BAZ1A: variants seen among roughly 807,000 people sequenced by gnomAD.
BAZ1A encodes the protein bromodomain adjacent to zinc finger domain protein 1A.
BAZ1A carries 50 observed loss-of-function variants against 185.2 expected under a neutral mutation model. That is an observed-to-expected ratio of 0.27 (90% CI 0.22 to 0.34). The LOEUF (loss-of-function observed/expected upper bound fraction) is 0.34, where lower values mean the gene tolerates loss of function less well. Ranked by LOEUF, BAZ1A falls within the 10% of genes least tolerant of loss-of-function variation. The probability of loss-of-function intolerance (pLI) is 1.00; values close to 1 mark genes in which losing one functional copy is unlikely to be tolerated. For missense variants in BAZ1A, 1,356 were observed against 1,839.9 expected (o/e 0.74, Z 4.81); for synonymous variants, 571 against 615.6 (o/e 0.93, Z 1.07).
At chr14:34,809,161 C>A (rs1329984652) in intron 5 of BAZ1A, among the ~76,000 whole-genome samples, 1 of 152,078 alleles carries the variant, frequency 6.6e-6, no homozygotes, top group Non-Finnish European at 1.5e-5. Context: ...AATACTACAC[C>A]ATTTTATGAA....
intron 3 of BAZ1A, among the ~76,000 whole-genome samples, chr14:34,832,134 C>G (rs1389247842): frequency 6.7e-6 from 1 of 149,976 alleles, no homozygotes; most frequent in Non-Finnish European, 1.5e-5. Context: ...CAGAGGCTGT[C>G]TCAGAAAATG....
intron 8 of BAZ1A, among the ~76,000 whole-genome samples, chr14:34,800,761 C>A (rs1260296951): frequency 6.6e-6 from 1 of 152,174 alleles, no homozygotes; most frequent in African/African-American, 2.4e-5. Flanking sequence ...TTCATATGTA[C>A]ATTCAAGTTT....
chr14:34,856,752 G>A (rs2042685446), intron 3 of BAZ1A, among the ~76,000 whole-genome samples: 1 of 151,346 alleles, frequency 6.6e-6, no homozygotes. Flanking sequence ...CAGCTACTCG[G>A]GAGGGTGAGG....
Position 34,844,128 on chromosome 14 carries a change from T to C in BAZ1A, c.392+17916A>G, listed in dbSNP as rs1008921924. Among the ~76,000 whole-genome samples the C allele has an allele frequency of 5.4e-4, 78 of 143,920 alleles. 1 individual carries two copies. Among genetic ancestry groups the C allele is most frequent in the Non-Finnish European group, 7.8e-4 (52 of 66,856 alleles). The allele number at this position is 143,920 out of a possible 152,430, so 94.4% of individuals were successfully genotyped here. On this transcript the variant is annotated intron_variant, in intron 3 of 26. Coordinates refer to ENST00000360310, the MANE Select transcript of BAZ1A (RefSeq NM_013448.3). The stretch of plus-strand genomic sequence containing the variant: ...GGCTGAGGCAGGAGAATGGCGTGAA[T>C]CCGGGAGGCGGAGCTTGCAGTGAGC...
At chr14:34,815,326 T>C (rs989703129) in intron 4 of BAZ1A, among the ~76,000 whole-genome samples, 4 of 152,194 alleles carry the variant, frequency 2.6e-5, no homozygotes, top group Non-Finnish European at 5.9e-5. Flanking sequence ...GAAAAACTGC[T>C]TCTTATAATA....
intron 4 of BAZ1A, among the ~76,000 whole-genome samples, chr14:34,819,641 GT>G (rs2042057743): frequency 6.6e-6 from 1 of 152,044 alleles, no homozygotes; most frequent in Non-Finnish European, 1.5e-5. Flanking sequence ...ATAGTCCATT[GT>G]CTTTATGTAC....
rs17592803 is a variant in BAZ1A at position 34,862,082 on chromosome 14, G to A, written c.354C>T (p.Val118=). Residue 118 remains valine, a synonymous_variant, in exon 3 of 27, where the codon GTC becomes GTT. Transcript: ENST00000360310. Reference sequence around the variant, plus strand: ...TCCTAATGACTTCCACAGTTTCTTCGACAAAATATCGATCCTTGACATATG... The same window carrying A: ...TCCTAATGACTTCCACAGTTTCTTCAACAAAATATCGATCCTTGACATATG... The part of the protein sequence containing the change: ...IFAYVKDRYF[V]EETVEVIRNN... 140,702 of 1,613,866 alleles carry A rather than the reference G, an allele frequency of 0.087. 6,789 individuals carry two copies. The highest frequency in any genetic ancestry group is 0.11 in the Middle Eastern group (636 of 6,056).
At chr14:34,837,368 A>G (rs931572477) in intron 3 of BAZ1A, among the ~76,000 whole-genome samples, 4 of 151,414 alleles carry the variant, frequency 2.6e-5, no homozygotes, top group African/African-American at 9.8e-5. Flanking sequence ...CAGCCTCCTA[A>G]GTAGCTGGGA....
At chr14:34,813,922 A>T (rs1173287234) in intron 4 of BAZ1A, among the ~76,000 whole-genome samples, 1 of 151,900 alleles carries the variant, frequency 6.6e-6, no homozygotes, top group East Asian at 1.9e-4. Flanking sequence ...CTGCGCCTGT[A>T]GCCCCAGCTA....
At chr14:34,783,707 A>C in intron 15 of BAZ1A, 55 bp downstream of exon 15, 2 of 1,564,746 alleles carry the variant, frequency 1.3e-6, no homozygotes, top group Non-Finnish European at 1.7e-6. Flanking sequence ...ATATGGTTTT[A>C]AATGCAAAGA....
intron 3 of BAZ1A, among the ~76,000 whole-genome samples, chr14:34,853,851 G>A (rs1289363157): frequency 1.3e-5 from 2 of 152,054 alleles, no homozygotes; most frequent in Non-Finnish European, 2.9e-5. Flanking sequence ...ATATTGAAGC[G>A]AGCAGATCTG....
chr14:34,794,809 G>A lies in BAZ1A; in HGVS notation c.1303C>T (p.Leu435Phe). 1 of 1,614,120 alleles carries A rather than the reference G, an allele frequency of 6.2e-7. No homozygotes were observed. The highest frequency in any genetic ancestry group is 8.5e-7 in the Non-Finnish European group (1 of 1,180,006). Residue 435 changes from leucine (L) to phenylalanine (F), a missense_variant, in exon 11 of 27, where the codon CTT (leucine) becomes TTT (phenylalanine). By Grantham distance (22) the Leu-to-Phe change is conservative. Coordinates refer to ENST00000360310, the MANE Select transcript of BAZ1A (RefSeq NM_013448.3). ...FGDALMVLEF[L>F]NAFGELFDLQ... ...TCAAAAAGTTCCCCAAATGCATTAA[G>A]GAACTCCAAAACCATCAGAGCATCA... is the stretch of plus-strand genomic sequence containing the variant.
rs371657462 is a variant in BAZ1A, at chr14:34,760,584, G to A, written c.4243+1173C>T. Among the ~76,000 whole-genome samples, 15 of 151,174 alleles carry A rather than the reference G, an allele frequency of 9.9e-5. 1 individual carries two copies. Among genetic ancestry groups the A allele is most frequent in the Admixed American group, 2.6e-4 (4 of 15,142 alleles). On this transcript the variant is annotated intron_variant, in intron 24 of 26. Coordinates refer to ENST00000360310, the MANE Select transcript of BAZ1A (RefSeq NM_013448.3). ...ATAGGGCCAGGCCAGGTGTGGTGGC[G>A]CACACCTGTAATCCCAACATTTGGG...
intron 2 of BAZ1A, among the ~76,000 whole-genome samples, chr14:34,863,297 G>A (rs1053815812): frequency 6.6e-6 from 1 of 151,360 alleles, no homozygotes; most frequent in Non-Finnish European, 1.5e-5. Context: ...CTTAGTAGCT[G>A]GGATTACAGG....
At chr14:34,769,556 T>C (rs1341348513) in intron 21 of BAZ1A, among the ~76,000 whole-genome samples, 1 of 152,192 alleles carries the variant, frequency 6.6e-6, no homozygotes, top group Non-Finnish European at 1.5e-5. Context: ...TTTGTCTAAA[T>C]ATTTAATAAG....
In BAZ1A at chr14:34,821,337, G is replaced by A. The variant is rs79387912; in HGVS notation, c.536+4676C>T. The stretch of plus-strand genomic sequence containing the variant: ...AAACAAAACAATTTATGTGAGTGTT[G>A]TTATAAGCCTAACATGAAAAAATGT... On this transcript the variant is annotated intron_variant, in intron 4 of 26. Transcript: ENST00000360310. Among the ~76,000 whole-genome samples, 7 of 152,260 alleles carry A rather than the reference G, an allele frequency of 4.6e-5. No individual in the cohort carries two copies. In the East Asian group the frequency reaches 1.3e-3, roughly 29 times the overall value.
At chr14:34,801,450 CCTGG>C (rs150153905) in intron 7 of BAZ1A, among the ~76,000 whole-genome samples, 17,913 of 113,006 alleles carry the variant, frequency 0.16, 1,720 homozygotes, top group East Asian at 0.56. Context: ...TGCCACCACA[CCTGG>C]CTAATTTTTT....
intron 25 of BAZ1A, among the ~76,000 whole-genome samples, chr14:34,757,093 G>T (rs760075647): frequency 3.3e-5 from 5 of 151,890 alleles, no homozygotes; most frequent in Non-Finnish European, 5.9e-5. Flanking sequence ...GGCTGGGCAC[G>T]GTGGCTCATG....
intron 2 of BAZ1A, among the ~76,000 whole-genome samples, chr14:34,870,210 C>T (rs1250936899): frequency 2.0e-5 from 3 of 152,134 alleles, no homozygotes; most frequent in Admixed American, 6.6e-5. Context: ...AAACTAAGTA[C>T]GTGTCTGCTA....
Sources: gnomAD v4.1 joint callset for allele counts (sites outside exome capture counted in the v4.1 genomes callset) on GRCh38, gnomAD v4.1.1 for gene constraint, MANE v1.5 for transcripts, NCBI Gene and HGNC (gene_info 2026-07-23, HGNC 2026-07-21) for gene names.